IFT74: variants seen among roughly 807,000 people sequenced by gnomAD.
IFT74 encodes intraflagellar transport 74.
Under a neutral mutation model 96.7 loss-of-function variants are expected in IFT74, and 92 were observed. That is an observed-to-expected ratio of 0.95 (90% CI 0.80 to 1.13). IFT74 has a LOEUF of 1.13. Ranked by LOEUF, IFT74 falls within the 50% of genes most tolerant of loss-of-function variation. The probability of loss-of-function intolerance (pLI) is 0.00; values close to 1 mark genes in which losing one functional copy is unlikely to be tolerated. For synonymous variants in IFT74, 223 were observed against 213.2 expected (o/e 1.05, Z -0.40); for missense variants, 811 against 698.2 (o/e 1.16, Z -1.82).
At chr9:27,033,451 C>G (rs1830216958) in intron 13 of IFT74, among the ~76,000 whole-genome samples, 1 of 151,700 alleles carries the variant, frequency 6.6e-6, no homozygotes, top group African/African-American at 2.4e-5. Context: ...GTAGTCCCAG[C>G]TATTTGCTAA....
intron 13 of IFT74, chr9:27,036,781 A>G: frequency 8.8e-7 from 1 of 1,135,056 alleles, no homozygotes; most frequent in East Asian, 4.5e-5. Context: ...AGAAAATAAA[A>G]TTCTTAGATC....
chr9:26,954,543 G>A (rs775338086), upstream of IFT74, among the ~76,000 whole-genome samples: 1 of 151,136 alleles, frequency 6.6e-6, no homozygotes, highest in Non-Finnish European at 1.5e-5. Flanking sequence ...GATAGGAATA[G>A]TACAGGGTGC....
chr9:27,041,693 T>C (rs867595276), intron 13 of IFT74, among the ~76,000 whole-genome samples: 1 of 152,292 alleles, frequency 6.6e-6, no homozygotes, highest in Middle Eastern at 3.4e-3. Context: ...TGTCCTGTGA[T>C]ATTGAATCTA....
intron 8 of IFT74, among the ~76,000 whole-genome samples, chr9:26,997,225 A>T (rs1022518811): frequency 1.3e-5 from 2 of 151,806 alleles, no homozygotes; most frequent in East Asian, 2.0e-4. Context: ...AAAAAAAAAA[A>T]ATTTCTTAAT....
intron 13 of IFT74, among the ~76,000 whole-genome samples, chr9:27,042,436 A>G (rs1819523019): frequency 6.6e-6 from 1 of 152,138 alleles, no homozygotes. Context: ...AAACAAAGAA[A>G]ATTGAAAAGT....
chr9:26,996,455 T>C (rs1277673818), intron 8 of IFT74: 2 of 1,552,682 alleles, frequency 1.3e-6, no homozygotes, highest in African/African-American at 2.7e-5. Flanking sequence ...ATATTGTAGC[T>C]CTGCAGGCTG....
intron 8 of IFT74, among the ~76,000 whole-genome samples, chr9:26,991,641 C>CT (rs78824083): frequency 7.3e-4 from 108 of 147,402 alleles, no homozygotes; most frequent in East Asian, 3.4e-3. Context: ...GAAAACGTTC[C>CT]TTTTTTTTTT....
At position 27,045,219 on chromosome 9, in the gene IFT74, G is replaced by A. The variant is rs116885070; in HGVS notation, c.1108+424G>A. Among the ~76,000 whole-genome samples the A allele has an allele frequency of 3.7e-3, 566 of 152,204 alleles. 2 individuals carry two copies. The highest frequency in any genetic ancestry group is 0.024 in the Middle Eastern group (7 of 294). On this transcript the variant is annotated intron_variant, in intron 14 of 19. Coordinates refer to ENST00000380062, the MANE Select transcript of IFT74 (RefSeq NM_025103.4). ...CTCATATGAGTGTGAACCCTATCGC[G>A]TATGAGGGATCTAGGTTGTACTCTT...
intron 8 of IFT74, among the ~76,000 whole-genome samples, chr9:26,992,100 TTTAAG>T (rs1401798015): frequency 6.6e-6 from 1 of 152,166 alleles, no homozygotes; most frequent in Non-Finnish European, 1.5e-5. Context: ...GTTTAGAACA[TTTAAG>T]TTCTCATTTA....
chr9:26,963,227 C>T (rs925748160), intron 2 of IFT74, among the ~76,000 whole-genome samples: 14 of 151,596 alleles, frequency 9.2e-5, no homozygotes, highest in East Asian at 7.8e-4. Flanking sequence ...TTTGTTCTTG[C>T]GGTAGTTTAC....
At chr9:26,964,092 T>G (rs1292190294) in intron 2 of IFT74, among the ~76,000 whole-genome samples, 17 of 142,980 alleles carry the variant, frequency 1.2e-4, no homozygotes, top group African/African-American at 4.5e-4. Flanking sequence ...TTTTTATGGT[T>G]TTAGGTCTAA....
intron 3 of IFT74, among the ~76,000 whole-genome samples, chr9:26,978,550 T>C (rs964644552): frequency 3.3e-5 from 5 of 152,180 alleles, no homozygotes; most frequent in African/African-American, 1.2e-4. Flanking sequence ...TATATACAGA[T>C]ATGAGCTATT....
chr9:27,021,608 T>G (rs1829606615), intron 12 of IFT74, among the ~76,000 whole-genome samples: 1 of 152,250 alleles, frequency 6.6e-6, no homozygotes, highest in African/African-American at 2.4e-5. Context: ...CCTATGATTG[T>G]TGACCATTTG....
intron 18 of IFT74, among the ~76,000 whole-genome samples, chr9:27,056,854 C>A (rs1718655988): frequency 7.4e-6 from 1 of 134,270 alleles, no homozygotes; most frequent in Non-Finnish European, 1.6e-5. Flanking sequence ...TTCTTTTAGT[C>A]AATGGATAGA....
Position 27,065,401 on chromosome 9 carries a change from A to G in IFT74, c.*2665A>G, listed in dbSNP as rs768130518. ...TTACTCAGGGGGTTCCATTCATGCTAAAATAACACCTTGTAAGTCACATGG... is the reference window on the plus strand; with the variant it reads ...TTACTCAGGGGGTTCCATTCATGCTGAAATAACACCTTGTAAGTCACATGG... On this transcript the variant is annotated 3_prime_UTR_variant, in exon 20 of 20. Coordinates refer to ENST00000380062, the MANE Select transcript of IFT74 (RefSeq NM_025103.4). Among the ~76,000 whole-genome samples, 3 of 152,140 alleles carry G rather than the reference A, an allele frequency of 2.0e-5. No homozygotes were observed. Among genetic ancestry groups the G allele is most frequent in the Non-Finnish European group, 4.4e-5 (3 of 68,004 alleles).
intron 9 of IFT74, among the ~76,000 whole-genome samples, chr9:27,010,024 C>T (rs1320808718): frequency 6.6e-6 from 1 of 150,612 alleles, no homozygotes; most frequent in African/African-American, 2.4e-5. Context: ...GAGTCTCGCT[C>T]TGTCGCCCAG....
Position 26,980,622 on chromosome 9 carries a change from A to G in IFT74, c.305+3A>G. On this transcript the variant is annotated splice_donor_region_variant and intron_variant, in intron 4 of 19. Coordinates refer to ENST00000380062, the MANE Select transcript of IFT74 (RefSeq NM_025103.4). ...TCTTACTATCTTGGGCTTCTTAGGT[A>G]TGTTAAACATATCTTTTCATCCGTA... is the stretch of plus-strand genomic sequence containing the variant. 6.3e-7 allele frequency: 1 copy of G among 1,575,422 alleles called. No homozygotes were observed. Among genetic ancestry groups the G allele is most frequent in the Non-Finnish European group, 8.7e-7 (1 of 1,146,404 alleles).
At chr9:27,018,173 T>C (rs932338357) in intron 11 of IFT74, among the ~76,000 whole-genome samples, 1 of 152,208 alleles carries the variant, frequency 6.6e-6, no homozygotes, top group African/African-American at 2.4e-5. Flanking sequence ...CTTTCAGATA[T>C]ATATATGTAT....
intron 2 of IFT74, among the ~76,000 whole-genome samples, chr9:26,967,374 T>C (rs1826672469): frequency 6.6e-6 from 1 of 152,158 alleles, no homozygotes; most frequent in South Asian, 2.1e-4. Flanking sequence ...GGGATAACTT[T>C]CTTGATTTTT....
Sources: gnomAD v4.1 joint callset for allele counts (sites outside exome capture counted in the v4.1 genomes callset) on GRCh38, gnomAD v4.1.1 for gene constraint, MANE v1.5 for transcripts, NCBI Gene and HGNC (gene_info 2026-07-23, HGNC 2026-07-21) for gene names.